Variants in ABCA10 observed in about 807,000 individuals in gnomAD.
ABCA10 encodes ATP-binding cassette sub-family A member 10.
In ABCA10, 169 loss-of-function variants were observed where a neutral mutation model predicts 187.5. That is an observed-to-expected ratio of 0.90 (90% CI 0.80 to 1.02). The LOEUF (loss-of-function observed/expected upper bound fraction) is 1.02. Among genes scored for constraint, ABCA10 ranks in the 50% least tolerant of loss-of-function variants. The pLI is 0.00. For missense variants in ABCA10, 1,727 were observed against 1,812.4 expected, an observed-to-expected ratio of 0.95 and a Z score of 0.86; for synonymous variants, 574 against 601.8, an observed-to-expected ratio of 0.95 and a Z score of 0.68.
chr17:69,201,433 T>A (rs1373319628), intron 10 of ABCA10, 67 bp downstream of exon 10: 8 of 1,317,148 alleles, frequency 6.1e-6, no homozygotes, highest in Non-Finnish European at 8.1e-6. Flanking sequence ...TATCAACATT[T>A]GACCTGCAGC....
chr17:69,233,720 C>T (rs1258336831), upstream of ABCA10: 1 of 152,242 alleles, frequency 6.6e-6, no homozygotes, highest in Admixed American at 6.5e-5. Context: ...GGAGATCTTC[C>T]ACAGACTCTA....
Position 69,221,797 on chromosome 17 carries a change from T to C in ABCA10, c.298A>G (p.Ile100Val). ...CTTTGAAGTTAGGCACTTACTTCTA[T>C]AATTGCAGCATTAATTGCAGCTTGA... The part of the protein sequence containing the change: ...AFQAAINAAI[I>V]EVTTNHSVME... Residue 100 changes from isoleucine to valine, a missense_variant, in exon 5 of 39, where the codon ATA (isoleucine) becomes GTA (valine). Coordinates refer to ENST00000690296, the MANE Select transcript of ABCA10 (RefSeq NM_001377321.1). 2 of 1,607,868 alleles carry C rather than the reference T, an allele frequency of 1.2e-6. No individual in the cohort carries two copies. The highest frequency in any genetic ancestry group is 8.5e-7 in the Non-Finnish European group (1 of 1,177,744).
chr17:69,150,055 G>A lies in ABCA10; in HGVS notation c.4406C>T (p.Ser1469Phe), dbSNP rs1255504378. ...PQAAWQERYS[S>F]LMAYKLPVED... ...CACAGGTAACTTATACGCCATTAAA[G>A]AGGAATATCTGTCAGGAAGAAGAGT... The change falls in exon 37 of 39, where the codon TCT (serine) becomes TTT (phenylalanine). Residue 1469 changes from serine (S) to phenylalanine (F), a missense_variant. Coordinates refer to ENST00000690296, the MANE Select transcript of ABCA10 (RefSeq NM_001377321.1). The A allele has an allele frequency of 6.2e-7, 1 of 1,611,100 alleles. No homozygotes were observed. The highest frequency in any genetic ancestry group is 1.1e-5 in the South Asian group (1 of 90,612).
At chr17:69,239,659 C>A (rs1486474657) in intron 1 of ABCA10, among the ~76,000 whole-genome samples, 1 of 152,064 alleles carries the variant, frequency 6.6e-6, no homozygotes, top group Non-Finnish European at 1.5e-5. Context: ...ATTGTGTCCC[C>A]ATGGTTTCTT....
Position 69,165,045 on chromosome 17 carries a change from T to C in ABCA10, c.3201A>G (p.Gln1067=), listed in dbSNP as rs763045092. 2 of 1,593,148 alleles carry C rather than the reference T, an allele frequency of 1.3e-6. No homozygotes were observed. Among genetic ancestry groups the C allele is most frequent in the Non-Finnish European group, 1.7e-6 (2 of 1,161,220 alleles). ...ICVSTIMVST[Q]YEKLNLILCM... Reference sequence around the variant, plus strand: ...ACAAAATTAAGTTGAGTTTTTCATATTGAGTTGATACCATAATTGTGGATA... The same window carrying C: ...ACAAAATTAAGTTGAGTTTTTCATACTGAGTTGATACCATAATTGTGGATA... Residue 1067 remains glutamine (Q), a synonymous_variant, in exon 26 of 39, where the codon CAA becomes CAG. Coordinates refer to ENST00000690296, the MANE Select transcript of ABCA10 (RefSeq NM_001377321.1).
At chr17:69,177,620 T>C (rs1241014645) in intron 22 of ABCA10, among the ~76,000 whole-genome samples, 1 of 152,086 alleles carries the variant, frequency 6.6e-6, no homozygotes, top group Admixed American at 6.6e-5. Flanking sequence ...ATAACTTAAG[T>C]ATATCAACTT....
At chr17:69,197,023 GGAGAGGGAGAGGGA>G in intron 11 of ABCA10, 27 bp downstream of exon 11, 1 of 1,402,682 alleles carries the variant, frequency 7.1e-7, no homozygotes, top group Non-Finnish European at 9.7e-7. Flanking sequence ...AGGGGGAGGG[GGAGAGGGAGAGGGA>G]GAGGGAGAGG....
chr17:69,219,381 CCTTA>C (rs542121786), intron 6 of ABCA10, among the ~76,000 whole-genome samples, 160 bp downstream of exon 6: 32 of 152,252 alleles, frequency 2.1e-4, no homozygotes, highest in African/African-American at 6.5e-4. Context: ...TAAGCACAAT[CCTTA>C]CTTACTTTCT....
In ABCA10 at chr17:69,149,934, A is replaced by G. The variant is rs575590663; in HGVS notation, c.4477+50T>C. The G allele has an allele frequency of 2.1e-6, 3 of 1,400,112 alleles. No homozygotes were observed. The East Asian group carries it at 6.9e-5, about 32-fold the overall frequency. 86.7% of individuals were successfully genotyped at this position (1,400,112 alleles called of 1,614,324 possible). A position where few individuals can be genotyped will look rare whatever the true frequency, so the allele number is the denominator to read the frequency against. On this transcript the variant is annotated intron_variant, in intron 37 of 38. Coordinates refer to ENST00000690296, the MANE Select transcript of ABCA10 (RefSeq NM_001377321.1). ...AATTACATAGTCTATATTCCACATG[A>G]AAATATGCAACCAATACATAAAGTC...
intron 5 of ABCA10, among the ~76,000 whole-genome samples, chr17:69,220,106 T>C (rs999646476): frequency 1.3e-5 from 2 of 152,208 alleles, no homozygotes; most frequent in African/African-American, 2.4e-5. Context: ...AATCATTGCA[T>C]AATAAATTGT....
At chr17:69,227,399 T>C (rs940713644) in intron 1 of ABCA10, 114 bp from the exon 2 acceptor site, 2 of 152,056 alleles carry the variant, frequency 1.3e-5, no homozygotes, top group Admixed American at 6.6e-5. Flanking sequence ...TAGCAACATA[T>C]TCAATCAGGA....
Position 69,214,850 on chromosome 17 carries a change from A to C in ABCA10, c.860T>G (p.Ile287Ser). 2 of 1,489,958 alleles carry C rather than the reference A, an allele frequency of 1.3e-6. No individual in the cohort carries two copies. Among genetic ancestry groups the C allele is most frequent in the Non-Finnish European group, 8.9e-7 (1 of 1,122,026 alleles). 92.3% of individuals were successfully genotyped at this position (1,489,958 alleles called of 1,614,324 possible). Residue 287 changes from isoleucine to serine, a missense_variant and splice_region_variant, in exon 9 of 39, where the codon ATT (isoleucine) becomes AGT (serine). Physicochemically the swap from Ile to Ser is moderately radical, Grantham distance 142. Transcript: ENST00000690296. ...PFAFTAGMAQ[I>S]THLDNYLSGV... The stretch of plus-strand genomic sequence containing the variant: ...ACTTAAGTAATTATCCAGGTGTGTA[A>C]TCTGAGATTTAAAAGAAAAAATAAA...
intron 21 of ABCA10, 32 bp downstream of exon 21, chr17:69,182,641 ACC>A (rs1568059124): frequency 6.5e-7 from 1 of 1,533,140 alleles, no homozygotes; most frequent in Admixed American, 2.2e-5. Flanking sequence ...ACAAAAAAAA[ACC>A]AAAAAAAAAC....
At chr17:69,201,941 C>T (rs1418562342) in intron 9 of ABCA10, among the ~76,000 whole-genome samples, 1 of 152,176 alleles carries the variant, frequency 6.6e-6, no homozygotes, top group Non-Finnish European at 1.5e-5. Flanking sequence ...TGCCACCACG[C>T]CCGGCTAACT....
Position 69,210,845 on chromosome 17 carries a change from C to CATATATATATATATATATATATATAT in ABCA10, c.1006+3858_1006+3859insATATATATATATATATATATATATAT, listed in dbSNP as rs1568069877. On this transcript the variant is annotated intron_variant, in intron 9 of 38. Transcript: ENST00000690296. ...ATATATATATGCCACATATTTATGC[C>CATATATATATATATATATATATATAT]ACATATATATATATATATATGCCAT... 8.3e-4 allele frequency among the ~76,000 whole-genome samples: 11 copies of CATATATATATATATATATATATATAT among 13,242 alleles called. 1 individual carries two copies. Among genetic ancestry groups the CATATATATATATATATATATATATAT allele is most frequent in the African/African-American group, 4.2e-3 (10 of 2,374 alleles). The allele number at this position is 13,242 out of a possible 152,430, so 8.7% of individuals were successfully genotyped here. A position where few individuals can be genotyped will look rare whatever the true frequency, so the allele number is the denominator to read the frequency against.
intron 5 of ABCA10, among the ~76,000 whole-genome samples, chr17:69,221,301 T>C (rs1172614423): frequency 2.6e-5 from 4 of 152,148 alleles, no homozygotes; most frequent in Non-Finnish European, 5.9e-5. Flanking sequence ...ATAGATAATA[T>C]TGAGTTGAGT....
At chr17:69,181,192 T>C (rs1598100119) in intron 22 of ABCA10, among the ~76,000 whole-genome samples, 1 of 152,314 alleles carries the variant, frequency 6.6e-6, no homozygotes, top group Non-Finnish European at 1.5e-5. Context: ...TTAATCAGCG[T>C]ATATGTCTTA....
chr17:69,167,388 T>A (rs573623215), intron 25 of ABCA10, among the ~76,000 whole-genome samples: 82 of 152,318 alleles, frequency 5.4e-4, no homozygotes, highest in African/African-American at 1.9e-3. Flanking sequence ...GGAGATGCCA[T>A]TGTTATAGAA....
At position 69,191,322 on chromosome 17, in the gene ABCA10, T is replaced by G; in HGVS notation, c.1872-7A>C. On this transcript the variant is annotated splice_region_variant and splice_polypyrimidine_tract_variant and intron_variant, in intron 16 of 38. Transcript: ENST00000690296. Reference sequence around the variant, plus strand: ...CATTTCATTCCTGTGTAAACTATTATTTCAAAAGAGCCATAAGTCTCTTGA... The same window carrying G: ...CATTTCATTCCTGTGTAAACTATTAGTTCAAAAGAGCCATAAGTCTCTTGA... 6.5e-7 allele frequency: 1 copy of G among 1,532,734 alleles called. No individual in the cohort carries two copies. The allele number at this position is 1,532,734 out of a possible 1,614,324, so 94.9% of individuals were successfully genotyped here.
Sources: gnomAD v4.1 joint callset for allele counts (sites outside exome capture counted in the v4.1 genomes callset) on GRCh38, gnomAD v4.1.1 for gene constraint, MANE v1.5 for transcripts, NCBI Gene and HGNC (gene_info 2026-07-23, HGNC 2026-07-21) for gene names.